The following TDRD3 variants were observed in gnomAD, a reference collection of about 807,000 sequenced individuals.
TDRD3 encodes tudor domain-containing protein 3.
Under a neutral mutation model 86.7 loss-of-function variants are expected in TDRD3, and 45 were observed. The observed-to-expected ratio is 0.52, with a 90% CI of 0.41 to 0.67. The LOEUF is 0.67. TDRD3 is among the 30% of genes least tolerant of loss of function. The probability of loss-of-function intolerance (pLI) is 0.00; values close to 1 mark genes in which losing one functional copy is unlikely to be tolerated. For synonymous variants in TDRD3, 298 were observed against 301.7 expected (o/e 0.99, Z 0.13); for missense variants, 814 against 889.0 (o/e 0.92, Z 1.07).
intron 10 of TDRD3, among the ~76,000 whole-genome samples, chr13:60,523,655 C>T (rs765700958): frequency 6.7e-6 from 1 of 148,770 alleles, no homozygotes; most frequent in Admixed American, 6.8e-5. Context: ...TCCCTCACTG[C>T]AGCCTCCACC....
intron 4 of TDRD3, among the ~76,000 whole-genome samples, chr13:60,465,696 A>G (rs1341856890): frequency 6.6e-6 from 1 of 152,146 alleles, no homozygotes; most frequent in Non-Finnish European, 1.5e-5. Flanking sequence ...TATTTTATTA[A>G]TTATCTTTCT....
intron 1 of TDRD3, among the ~76,000 whole-genome samples, chr13:60,410,342 A>T (rs1398030458): frequency 6.6e-6 from 1 of 152,200 alleles, no homozygotes; most frequent in Non-Finnish European, 1.5e-5. Flanking sequence ...CTAAGTTGTC[A>T]TAGAGTTCAA....
At chr13:60,512,092 G>A (rs780580093) in intron 10 of TDRD3, among the ~76,000 whole-genome samples, 2 of 152,066 alleles carry the variant, frequency 1.3e-5, no homozygotes, top group Non-Finnish European at 2.9e-5. Flanking sequence ...GAAAAAGAGT[G>A]TATTGGATTT....
intron 6 of TDRD3, chr13:60,484,820 C>G (rs758082923): frequency 2.8e-4 from 101 of 367,166 alleles, no homozygotes; most frequent in Non-Finnish European, 4.6e-4. Context: ...ATTCTAATAA[C>G]TTATATTTGA....
chr13:60,525,636 A>G (rs1362107860), intron 10 of TDRD3, among the ~76,000 whole-genome samples: 1 of 152,194 alleles, frequency 6.6e-6, no homozygotes, highest in Non-Finnish European at 1.5e-5. Flanking sequence ...TGAAAATAAT[A>G]TTTTAAGTAC....
At chr13:60,540,222 T>G (rs1248177258) in intron 12 of TDRD3, among the ~76,000 whole-genome samples, 1 of 152,204 alleles carries the variant, frequency 6.6e-6, no homozygotes, top group Non-Finnish European at 1.5e-5. Context: ...CATTTTCTTT[T>G]GCAATATAAA....
chr13:60,540,141 T>G (rs1433160489), intron 12 of TDRD3, among the ~76,000 whole-genome samples: 1 of 152,158 alleles, frequency 6.6e-6, no homozygotes, highest in South Asian at 2.1e-4. Flanking sequence ...CTGGTTCAGG[T>G]CACTGAAATA....
chr13:60,465,376 A>G (rs1039457607), intron 4 of TDRD3, among the ~76,000 whole-genome samples: 1 of 152,200 alleles, frequency 6.6e-6, no homozygotes, highest in African/African-American at 2.4e-5. Context: ...TTGTAATTGT[A>G]TTCAGCTGTT....
At chr13:60,395,928 C>A (rs1329510806), upstream of TDRD3, among the ~76,000 whole-genome samples, 1 of 152,152 alleles carries the variant, frequency 6.6e-6, no homozygotes. Flanking sequence ...TACTTGGGAG[C>A]AAATCTCAAT....
chr13:60,467,444 C>T (rs1955972091), intron 5 of TDRD3, 65 bp downstream of exon 5: 2 of 1,551,066 alleles, frequency 1.3e-6, no homozygotes, highest in African/African-American at 1.4e-5. Flanking sequence ...TTAAAGAGCT[C>T]TTTCAATAAT....
chr13:60,488,476 G>T (rs1245790376), intron 7 of TDRD3, among the ~76,000 whole-genome samples: 1 of 152,124 alleles, frequency 6.6e-6, no homozygotes, highest in Non-Finnish European at 1.5e-5. Context: ...GGTAAATGAT[G>T]TTGACATTTT....
chr13:60,400,882 G>A (rs898609798), intron 1 of TDRD3, among the ~76,000 whole-genome samples: 1 of 152,142 alleles, frequency 6.6e-6, no homozygotes, highest in East Asian at 1.9e-4. Context: ...GAGCCCAGAT[G>A]TCTAGAATAA....
chr13:60,460,713 A>G (rs754698380), intron 4 of TDRD3, 173 bp downstream of exon 4: 10 of 609,448 alleles, frequency 1.6e-5, no homozygotes, highest in Non-Finnish European at 2.3e-5. Context: ...AAAAATAGTT[A>G]AGAATATATG....
At chr13:60,523,573 C>CTTTTTTTTTTT (rs67692021) in intron 10 of TDRD3, among the ~76,000 whole-genome samples, 1 of 105,054 alleles carries the variant, frequency 9.5e-6, no homozygotes, top group Non-Finnish European at 1.9e-5. Context: ...ATACATTTTT[C>CTTTTTTTTTTT]TTTTTTTTTT....
At chr13:60,570,803 A>G (rs1461466393) in intron 13 of TDRD3, among the ~76,000 whole-genome samples, 1 of 146,760 alleles carries the variant, frequency 6.8e-6, no homozygotes, top group East Asian at 1.9e-4. Context: ...AGTCCCCTTG[A>G]CCCCTTCTTT....
At chr13:60,440,232 A>C (rs566997703) in intron 2 of TDRD3, among the ~76,000 whole-genome samples, 1 of 152,322 alleles carries the variant, frequency 6.6e-6, no homozygotes, top group African/African-American at 2.4e-5. Context: ...GAAAAGCAAA[A>C]TAAGAAAATT....
At chr13:60,503,516 T>A (rs2137617260) in intron 8 of TDRD3, among the ~76,000 whole-genome samples, 1 of 152,312 alleles carries the variant, frequency 6.6e-6, no homozygotes, top group South Asian at 2.1e-4. Context: ...CACCAAAATA[T>A]AACTTAAAGA....
intron 5 of TDRD3, 110 bp from the exon 6 acceptor site, chr13:60,483,665 C>A: frequency 1.1e-6 from 1 of 932,572 alleles, no homozygotes; most frequent in East Asian, 2.9e-5. Context: ...TTTTTTTTTC[C>A]TATTTCTTAT....
intron 1 of TDRD3, among the ~76,000 whole-genome samples, chr13:60,435,332 A>G (rs994694095): frequency 1.3e-5 from 2 of 152,044 alleles, no homozygotes; most frequent in African/African-American, 4.8e-5. Context: ...GATAAGTTCT[A>G]TAGTGGTGAA....
Sources: gnomAD v4.1 joint callset for allele counts (sites outside exome capture counted in the v4.1 genomes callset) on GRCh38, gnomAD v4.1.1 for gene constraint, MANE v1.5 for transcripts, NCBI Gene and HGNC (gene_info 2026-07-23, HGNC 2026-07-21) for gene names.